NELL1: variants seen among roughly 807,000 people sequenced by gnomAD.
NELL1 encodes the protein protein kinase C-binding protein NELL1.
In NELL1, 76 loss-of-function variants were observed where a neutral mutation model predicts 107.4. The ratio of observed to expected loss-of-function variants is 0.71; its 90% CI spans 0.59 to 0.86. The LOEUF is 0.86. Ranked by LOEUF, NELL1 falls within the 40% of genes least tolerant of loss-of-function variation. The pLI, the probability that NELL1 is intolerant of heterozygous loss-of-function variation, is 0.00. For missense variants in NELL1, 1,024 were observed against 1,005.5 expected (o/e 1.02, Z -0.25); for synonymous variants, 353 against 341.2 (o/e 1.03, Z -0.38).
intron 12 of NELL1, among the ~76,000 whole-genome samples, chr11:21,059,327 T>G (rs1332252265): frequency 6.6e-6 from 1 of 151,148 alleles, no homozygotes; most frequent in African/African-American, 2.4e-5. Context: ...TAGTCAGTAC[T>G]CAGTGAACAT....
intron 4 of NELL1, among the ~76,000 whole-genome samples, chr11:20,876,484 C>T (rs974884242): frequency 6.6e-5 from 10 of 152,134 alleles, no homozygotes; most frequent in African/African-American, 1.7e-4. Flanking sequence ...GATAGTTCAT[C>T]GCCGGGCACG....
chr11:21,105,456 G>A (rs998285916), intron 12 of NELL1, among the ~76,000 whole-genome samples: 2 of 152,084 alleles, frequency 1.3e-5, no homozygotes, highest in Non-Finnish European at 2.9e-5. Flanking sequence ...TGCAAATAGG[G>A]TCTCTACCTG....
intron 9 of NELL1, among the ~76,000 whole-genome samples, chr11:20,929,179 C>CT: frequency 6.6e-6 from 1 of 152,246 alleles, no homozygotes; most frequent in Admixed American, 6.5e-5. Flanking sequence ...AGCCCATAGC[C>CT]TTTTTATCAG....
intron 14 of NELL1, among the ~76,000 whole-genome samples, chr11:21,285,877 G>T (rs1849104755): frequency 6.6e-6 from 1 of 152,148 alleles, no homozygotes; most frequent in South Asian, 2.1e-4. Flanking sequence ...TAAAGTTATA[G>T]TTGGGAGACA....
rs1276262730 is a variant in NELL1, at chr11:21,346,599, TATG to T, written c.1550-24251_1550-24249del. Among the ~76,000 whole-genome samples the T allele has an allele frequency of 5.4e-5, 8 of 148,104 alleles. No homozygotes were observed. In the South Asian group the frequency reaches 8.4e-4, roughly 15 times the overall value. On this transcript the variant is annotated intron_variant, in intron 14 of 19. Coordinates refer to ENST00000357134, the MANE Select transcript of NELL1 (RefSeq NM_006157.5). Reference sequence around the variant, plus strand: ...TATATGATAAATATAATATATAATGTATGATATTTGATATATATGCTGTATCAA... The same window carrying T: ...TATATGATAAATATAATATATAATGTATATTTGATATATATGCTGTATCAA...
At position 21,571,031 on chromosome 11, in the gene NELL1, A is replaced by G. The variant is rs78984990; in HGVS notation, c.2157+91A>G. ...TGTGGGACCTAGTTCCCAGTTTTTC[A>G]TAATACTATACAGGGAGCTCTGTGG... On this transcript the variant is annotated intron_variant, in intron 18 of 19. Transcript: ENST00000357134. 29,839 of 1,209,614 alleles carry G rather than the reference A, an allele frequency of 0.025. 4,800 individuals are homozygous for G. The African/African-American group carries it at 0.38, about 15-fold the overall frequency. The allele number at this position is 1,209,614 out of a possible 1,614,324, so 74.9% of individuals were successfully genotyped here.
chr11:21,431,200 C>A (rs1443029281), intron 15 of NELL1, among the ~76,000 whole-genome samples: 1 of 152,080 alleles, frequency 6.6e-6, no homozygotes, highest in Non-Finnish European at 1.5e-5. Flanking sequence ...GGTCCCATTT[C>A]ACCTTCTCAA....
chr11:20,850,445 T>C (rs978263146), intron 4 of NELL1, among the ~76,000 whole-genome samples: 2 of 152,256 alleles, frequency 1.3e-5, no homozygotes, highest in South Asian at 2.1e-4. Flanking sequence ...GTACTTTACA[T>C]AGATTAACTT....
At chr11:21,349,176 A>G (rs984812695) in intron 14 of NELL1, among the ~76,000 whole-genome samples, 1 of 152,126 alleles carries the variant, frequency 6.6e-6, no homozygotes, top group African/African-American at 2.4e-5. Context: ...AGGAAAAAAA[A>G]ATTCTTGCTT....
chr11:20,830,860 T>G (rs1397495198), intron 3 of NELL1, among the ~76,000 whole-genome samples: 1 of 152,164 alleles, frequency 6.6e-6, no homozygotes. Flanking sequence ...ACCCATTCAT[T>G]TATGAGAGAT....
At chr11:20,792,513 C>T (rs763551855) in intron 3 of NELL1, among the ~76,000 whole-genome samples, 1 of 151,820 alleles carries the variant, frequency 6.6e-6, no homozygotes, top group Non-Finnish European at 1.5e-5. Flanking sequence ...TCTATCTAGT[C>T]ATCATGTAAA....
intron 4 of NELL1, among the ~76,000 whole-genome samples, chr11:20,850,024 A>G (rs915789905): frequency 2.6e-5 from 4 of 152,118 alleles, no homozygotes; most frequent in African/African-American, 9.7e-5. Flanking sequence ...GAAAGAGGGG[A>G]AGGAATTTGG....
chr11:21,119,005 A>T (rs1855300508), intron 13 of NELL1, among the ~76,000 whole-genome samples: 2 of 152,074 alleles, frequency 1.3e-5, no homozygotes, highest in Admixed American at 6.6e-5. Context: ...CAAGTGTTAT[A>T]AAAGATAGTC....
chr11:20,988,977 T>G (rs1024622120), intron 12 of NELL1, among the ~76,000 whole-genome samples: 1 of 152,170 alleles, frequency 6.6e-6, no homozygotes, highest in Non-Finnish European at 1.5e-5. Flanking sequence ...ACTAGCTAAC[T>G]ATTTGATGCT....
At chr11:21,265,299 T>C (rs1391634588) in intron 14 of NELL1, among the ~76,000 whole-genome samples, 4 of 152,078 alleles carry the variant, frequency 2.6e-5, no homozygotes, top group African/African-American at 4.8e-5. Context: ...AAATAAAAAC[T>C]ATATTCAGAA....
chr11:20,774,993 C>T (rs1856721170), intron 2 of NELL1, among the ~76,000 whole-genome samples: 1 of 152,130 alleles, frequency 6.6e-6, no homozygotes, highest in Admixed American at 6.5e-5. Flanking sequence ...TTTAAGGATA[C>T]ACAATTGTGG....
intron 10 of NELL1, among the ~76,000 whole-genome samples, chr11:20,943,479 A>G (rs941146418): frequency 2.6e-5 from 4 of 152,074 alleles, no homozygotes; most frequent in African/African-American, 9.7e-5. Context: ...GCTACTTGGG[A>G]GGCTGAGGCA....
intron 15 of NELL1, among the ~76,000 whole-genome samples, chr11:21,475,796 T>C (rs1457180068): frequency 6.6e-6 from 1 of 152,202 alleles, no homozygotes; most frequent in Non-Finnish European, 1.5e-5. Context: ...CAGCTTTTTG[T>C]AAGTGGAAAT....
chr11:20,722,861 AAGG>A lies in NELL1; in HGVS notation c.184+44805_184+44807del, dbSNP rs541056897. Reference sequence around the variant, plus strand: ...CCTGAGACTGGGTAATTTATAAAGAAAGGAGGTTTATTTGACTCACAGTTTTGC... The same window carrying A: ...CCTGAGACTGGGTAATTTATAAAGAAAGGTTTATTTGACTCACAGTTTTGC... On this transcript the variant is annotated intron_variant, in intron 2 of 19. Transcript: ENST00000357134. 2.9e-3 allele frequency among the ~76,000 whole-genome samples: 439 copies of A among 152,320 alleles called. 1 individual carries two copies. The highest frequency in any genetic ancestry group is 3.7e-3 in the Non-Finnish European group (254 of 68,036).
Sources: allele counts gnomAD v4.1 joint callset (sites outside exome capture counted in the v4.1 genomes callset), GRCh38; gene constraint gnomAD v4.1.1; transcripts MANE v1.5; gene names NCBI Gene and HGNC (gene_info 2026-07-23, HGNC 2026-07-21).